Variants in NRXN1 observed in about 807,000 individuals in gnomAD.
The protein encoded by NRXN1 is neurexin 1.
NRXN1 carries 39 observed loss-of-function variants against 150.9 expected under a neutral mutation model. The ratio of observed to expected loss-of-function variants is 0.26; its 90% confidence interval spans 0.20 to 0.34. The LOEUF (loss-of-function observed/expected upper bound fraction) is 0.34. NRXN1 is among the 10% of genes least tolerant of loss of function. The probability of loss-of-function intolerance (pLI) is 1.00; values close to 1 mark genes in which losing one functional copy is unlikely to be tolerated. For missense variants in NRXN1, 1,815 were observed against 1,949.9 expected (o/e 0.93, Z 1.30); for synonymous variants, 924 against 757.0 (o/e 1.22, Z -3.62).
chr2:50,507,172 C>A (rs907471570), intron 12 of NRXN1, among the ~76,000 whole-genome samples: 1 of 152,070 alleles, frequency 6.6e-6, no homozygotes, highest in African/African-American at 2.4e-5. Flanking sequence ...CGCTCTTATA[C>A]CTGGTACCTC....
intron 21 of NRXN1, among the ~76,000 whole-genome samples, chr2:49,969,459 A>C (rs1259398715): frequency 6.6e-6 from 1 of 152,068 alleles, no homozygotes. Context: ...AAAAATCAAA[A>C]TTCTATGTAA....
In NRXN1 at chr2:50,613,443, C is replaced by T. The variant is rs1317089092; in HGVS notation, c.1320+6579G>A. On this transcript the variant is annotated intron_variant, in intron 8 of 22. Coordinates refer to ENST00000401669, the MANE Select transcript of NRXN1 (RefSeq NM_001330078.2). Reference sequence around the variant, plus strand: ...CATTCCAGCTGACACAACAAAATGACATACTGTATAGTGCATACTGATCCT... The same window carrying T: ...CATTCCAGCTGACACAACAAAATGATATACTGTATAGTGCATACTGATCCT... Among the ~76,000 whole-genome samples the T allele has an allele frequency of 2.6e-5, 4 of 152,266 alleles. No homozygotes were observed. In the East Asian group the frequency reaches 5.8e-4, roughly 22 times the overall value.
chr2:50,785,350 G>A lies in NRXN1; in HGVS notation c.832+136519C>T, dbSNP rs188270411. Among the ~76,000 whole-genome samples the A allele has an allele frequency of 3.6e-3, 515 of 144,072 alleles. 5 individuals are homozygous for A. The highest frequency in any genetic ancestry group is 3.3e-3 in the African/African-American group (129 of 39,306). The allele number at this position is 144,072 out of a possible 152,430, so 94.5% of individuals were successfully genotyped here. ...TGCAAGCTCCGTCTCCCAAGTTCAC[G>A]CCATTCTCCTGCCTCAGCCTCCCGA... On this transcript the variant is annotated intron_variant, in intron 5 of 22. Coordinates refer to ENST00000401669, the MANE Select transcript of NRXN1 (RefSeq NM_001330078.2).
chr2:50,780,311 G>T (rs1429044038), intron 5 of NRXN1, among the ~76,000 whole-genome samples: 1 of 151,926 alleles, frequency 6.6e-6, no homozygotes, highest in East Asian at 1.9e-4. Context: ...TTGTAATGTG[G>T]TTTTTTCACT....
intron 5 of NRXN1, among the ~76,000 whole-genome samples, chr2:50,626,998 T>TTAG (rs2104348004): frequency 6.6e-6 from 1 of 151,952 alleles, no homozygotes; most frequent in African/African-American, 2.4e-5. Context: ...TTCATTCCTA[T>TTAG]TAGTATTCAG....
rs191282196 is a variant in NRXN1 at position 50,357,942 on chromosome 2, G to A, written c.3364+107500C>T. On this transcript the variant is annotated intron_variant, in intron 17 of 22. Coordinates refer to ENST00000401669, the MANE Select transcript of NRXN1 (RefSeq NM_001330078.2). The stretch of plus-strand genomic sequence containing the variant: ...GCCCACGGAGAGCGAGCCAAAGCAG[G>A]GTGGGGCGTCACATGACCCAGGAAG... 2.0e-5 allele frequency among the ~76,000 whole-genome samples: 3 copies of A among 152,234 alleles called. No individual in the cohort carries two copies. The East Asian group carries it at 5.9e-4, about 30-fold the overall frequency.
In NRXN1 at chr2:51,028,192, C is replaced by G; in HGVS notation, c.82G>C (p.Gly28Arg). ...GCGCCCGGAAACTCCAGCCCGCTGC[C>G]CAGCTCCGCCCAGCAGCCCAGGAGC... The part of the protein sequence containing the change: ...LLLLGCWAEL[G>R]SGLEFPGAEG... Residue 28 changes from glycine (G) to arginine (R), a missense_variant, in exon 2 of 23, where the codon GGC becomes CGC. Gly to Arg is a moderately radical substitution (Grantham distance 125, BLOSUM62 -2). Around this residue, in one of 6 missense-constraint regions of NRXN1, gnomAD observed 554 missense variants for 478.8 expected, o/e 1.16. Transcript: ENST00000401669. 1.3e-6 allele frequency: 2 copies of G among 1,493,664 alleles called. No homozygotes were observed. Among genetic ancestry groups the G allele is most frequent in the Non-Finnish European group, 1.8e-6 (2 of 1,127,784 alleles). 92.5% of individuals were successfully genotyped at this position (1,493,664 alleles called of 1,614,324 possible). A position where few individuals can be genotyped will look rare whatever the true frequency, so the allele number is the denominator to read the frequency against.
intron 18 of NRXN1, among the ~76,000 whole-genome samples, chr2:50,123,938 A>T (rs1704214730): frequency 6.6e-6 from 1 of 152,182 alleles, no homozygotes; most frequent in Non-Finnish European, 1.5e-5. Flanking sequence ...ATGTGAGTTT[A>T]GAATATAAAA....
Position 50,109,522 on chromosome 2 carries a change from T to A in NRXN1, c.3547-18028A>T, listed in dbSNP as rs1573962818. Among the ~76,000 whole-genome samples, 7 of 152,208 alleles carry A rather than the reference T, an allele frequency of 4.6e-5. No homozygotes were observed. The South Asian group carries it at 1.5e-3, about 32-fold the overall frequency. ...TCCTGTCTTTTTTGAGATCTAAAAT[T>A]GTTTATCAGTTTGCGGGGTTCTCTT... On this transcript the variant is annotated intron_variant, in intron 18 of 22. Coordinates refer to ENST00000401669, the MANE Select transcript of NRXN1 (RefSeq NM_001330078.2).
intron 8 of NRXN1, among the ~76,000 whole-genome samples, chr2:50,581,310 G>A (rs180726330): frequency 2.4e-4 from 37 of 152,210 alleles, no homozygotes; most frequent in African/African-American, 8.4e-4. Context: ...GCAGCACCTC[G>A]TATCTATGCA....
chr2:49,928,189 C>T (rs986322270), intron 22 of NRXN1, among the ~76,000 whole-genome samples: 1 of 151,142 alleles, frequency 6.6e-6, no homozygotes, highest in Non-Finnish European at 1.5e-5. Flanking sequence ...GATCATTAAA[C>T]TCCATAATGC....
intron 21 of NRXN1, among the ~76,000 whole-genome samples, chr2:50,008,981 C>T (rs747978040): frequency 2.6e-5 from 4 of 152,076 alleles, no homozygotes; most frequent in Non-Finnish European, 5.9e-5. Context: ...AATATCTCTT[C>T]AAGGTAACAA....
chr2:51,022,122 A>G (rs1417004569), intron 2 of NRXN1, among the ~76,000 whole-genome samples: 2 of 152,056 alleles, frequency 1.3e-5, no homozygotes, highest in Non-Finnish European at 2.9e-5. Flanking sequence ...ATACATTTAA[A>G]TTTTGCTTGA....
intron 2 of NRXN1, among the ~76,000 whole-genome samples, chr2:50,930,198 T>C (rs1245311708): frequency 6.6e-6 from 1 of 152,046 alleles, no homozygotes; most frequent in African/African-American, 2.4e-5. Flanking sequence ...ACAACCAGTT[T>C]TTCTCCTTCT....
intron 5 of NRXN1, among the ~76,000 whole-genome samples, chr2:50,798,244 C>T (rs1452605804): frequency 6.6e-6 from 1 of 151,984 alleles, no homozygotes; most frequent in Non-Finnish European, 1.5e-5. Context: ...AAAATGCAGA[C>T]CCTCAAAATC....
At chr2:50,657,966 T>C (rs1354167857) in intron 5 of NRXN1, among the ~76,000 whole-genome samples, 2 of 152,006 alleles carry the variant, frequency 1.3e-5, no homozygotes. Context: ...GAACAATAAA[T>C]TAGCAAGTAG....
Position 50,187,608 on chromosome 2 carries a change from G to C in NRXN1, c.3546+49181C>G, listed in dbSNP as rs893211899. 2.0e-5 allele frequency among the ~76,000 whole-genome samples: 3 copies of C among 152,080 alleles called. No individual in the cohort carries two copies. In the East Asian group the frequency reaches 5.8e-4, roughly 29 times the overall value. On this transcript the variant is annotated intron_variant, in intron 18 of 22. Transcript: ENST00000401669. The stretch of plus-strand genomic sequence containing the variant: ...GGATCCATATAAAATTTAAAGCAGA[G>C]TTTTTTTCTAATTCTGTGAAGAAAG...
At chr2:50,861,193 G>C (rs1676080759) in intron 5 of NRXN1, among the ~76,000 whole-genome samples, 1 of 151,970 alleles carries the variant, frequency 6.6e-6, no homozygotes, top group Admixed American at 6.6e-5. Context: ...TGTCACCATG[G>C]AATTCTAGAG....
intron 2 of NRXN1, among the ~76,000 whole-genome samples, chr2:50,978,485 A>G (rs1696274428): frequency 6.6e-6 from 1 of 151,384 alleles, no homozygotes; most frequent in African/African-American, 2.4e-5. Flanking sequence ...ACCATAATTC[A>G]GTTAAAAATC....
Sources: allele counts gnomAD v4.1 joint callset (sites outside exome capture counted in the v4.1 genomes callset), GRCh38; gene constraint gnomAD v4.1.1; regional missense constraint gnomAD v4.1.1; transcripts MANE v1.5; gene names NCBI Gene and HGNC (gene_info 2026-07-23, HGNC 2026-07-21).